CHSY3: variants seen among roughly 807,000 people sequenced by gnomAD.
The protein encoded by CHSY3 is N-acetylgalactosaminyl-proteoglycan 3-beta-glucuronosyltransferase 3.
In CHSY3, 35 loss-of-function variants were observed where a neutral mutation model predicts 67.2. The observed-to-expected ratio is 0.52, with a 90% CI of 0.40 to 0.69. The LOEUF is 0.69. Ranked by LOEUF, CHSY3 falls within the 30% of genes least tolerant of loss-of-function variation. CHSY3 has a pLI of 0.00. For synonymous variants in CHSY3, 474 were observed against 434.7 expected (o/e 1.09, Z -1.12); for missense variants, 1,069 against 1,138.5 (o/e 0.94, Z 0.88).
chr5:130,099,811 G>A (rs1244661581), intron 2 of CHSY3, among the ~76,000 whole-genome samples: 1 of 152,120 alleles, frequency 6.6e-6, no homozygotes, highest in Admixed American at 6.5e-5. Context: ...CACATAATAT[G>A]TCAGTCCCTT....
At chr5:130,129,900 T>C (rs1768425079) in intron 2 of CHSY3, among the ~76,000 whole-genome samples, 1 of 152,144 alleles carries the variant, frequency 6.6e-6, no homozygotes, top group Admixed American at 6.6e-5. Context: ...TATAAACTAG[T>C]ATTCATAAAA....
In CHSY3 at chr5:129,904,855, G is replaced by C. The variant is rs1760176458; in HGVS notation, c.26G>C (p.Trp9Ser). The C allele has an allele frequency of 6.8e-7, 1 of 1,463,096 alleles. No individual in the cohort carries two copies. Among genetic ancestry groups the C allele is most frequent in the African/African-American group, 1.5e-5 (1 of 68,756 alleles). The allele number at this position is 1,463,096 out of a possible 1,614,324, so 90.6% of individuals were successfully genotyped here. MAVRSRRP[W>S]MSVALGLVLG... ...ATGGCTGTGCGCTCTCGCCGCCCGT[G>C]GATGAGCGTGGCATTAGGGCTGGTG... The change falls in exon 1 of 3, where the codon TGG (tryptophan) becomes TCG (serine). Residue 9 changes from tryptophan (W) to serine (S), a missense_variant. Trp to Ser is a radical substitution (Grantham distance 177). This residue lies in a region of CHSY3 where 309 missense variants were observed against 262.5 expected (regional missense o/e 1.18). Transcript: ENST00000305031.
intron 2 of CHSY3, among the ~76,000 whole-genome samples, chr5:129,980,335 T>C (rs1284154183): frequency 6.6e-6 from 1 of 152,248 alleles, no homozygotes; most frequent in African/African-American, 2.4e-5. Flanking sequence ...TGACATATAA[T>C]GTGGAGCGTA....
intron 2 of CHSY3, among the ~76,000 whole-genome samples, chr5:129,982,839 A>G (rs1379128812): frequency 6.6e-6 from 1 of 152,104 alleles, no homozygotes; most frequent in Non-Finnish European, 1.5e-5. Flanking sequence ...ATGTCTTTTT[A>G]TCTAATAGAA....
chr5:130,115,111 A>T (rs1767747748), intron 2 of CHSY3, among the ~76,000 whole-genome samples: 1 of 151,568 alleles, frequency 6.6e-6, no homozygotes, highest in Non-Finnish European at 1.5e-5. Context: ...AGGTAATTTT[A>T]TTTCTTTTCT....
At chr5:130,002,935 G>C (rs1481442190) in intron 2 of CHSY3, among the ~76,000 whole-genome samples, 1 of 151,886 alleles carries the variant, frequency 6.6e-6, no homozygotes, top group Non-Finnish European at 1.5e-5. Context: ...TTGTTTCTTT[G>C]TTTTTGAATT....
In CHSY3 at chr5:130,143,754, ATATG is replaced by A. The variant is rs1361579090; in HGVS notation, c.1087-40473_1087-40470del. ...TGTGTGTATATATATATATATATAT[ATATG>A]TGTGTGTGTGTATATATATATATGT... On this transcript the variant is annotated intron_variant, in intron 2 of 2. Transcript: ENST00000305031. 1.6e-4 allele frequency among the ~76,000 whole-genome samples: 18 copies of A among 115,468 alleles called. 1 individual carries two copies. Among genetic ancestry groups the A allele is most frequent in the African/African-American group, 7.2e-4 (18 of 25,014 alleles). 75.8% of individuals were successfully genotyped at this position (115,468 alleles called of 152,430 possible).
At chr5:130,128,616 A>G (rs1768376111) in intron 2 of CHSY3, among the ~76,000 whole-genome samples, 3 of 152,146 alleles carry the variant, frequency 2.0e-5, no homozygotes, top group Admixed American at 2.0e-4. Context: ...TAATAATACT[A>G]TGTTGCATAC....
chr5:129,904,796 A>G lies in CHSY3; in HGVS notation c.-34A>G. The G allele has an allele frequency of 7.6e-7, 1 of 1,320,436 alleles. No homozygotes were observed. Among genetic ancestry groups the G allele is most frequent in the South Asian group, 2.1e-5 (1 of 48,052 alleles). 81.8% of individuals were successfully genotyped at this position (1,320,436 alleles called of 1,614,324 possible). On this transcript the variant is annotated 5_prime_UTR_variant, in exon 1 of 3. Coordinates refer to ENST00000305031, the MANE Select transcript of CHSY3 (RefSeq NM_175856.5). Reference sequence around the variant, plus strand: ...GGGAAACCGCGTGCCGCGCCGCGACAGCCCAGCGAGCGTCCGCGCCCGGGA... The same window carrying G: ...GGGAAACCGCGTGCCGCGCCGCGACGGCCCAGCGAGCGTCCGCGCCCGGGA...
intron 2 of CHSY3, among the ~76,000 whole-genome samples, chr5:129,984,865 T>C (rs898697833): frequency 1.3e-5 from 2 of 152,086 alleles, no homozygotes; most frequent in Non-Finnish European, 2.9e-5. Context: ...TCTTATAAAG[T>C]GGTTGTTTGT....
At chr5:129,937,485 G>C (rs946001573) in intron 2 of CHSY3, among the ~76,000 whole-genome samples, 3 of 151,942 alleles carry the variant, frequency 2.0e-5, no homozygotes, top group African/African-American at 7.3e-5. Flanking sequence ...TCTGTCCCTG[G>C]ACCCTCCCAA....
chr5:129,919,420 G>C (rs1760844971), intron 2 of CHSY3, among the ~76,000 whole-genome samples: 1 of 152,172 alleles, frequency 6.6e-6, no homozygotes, highest in Non-Finnish European at 1.5e-5. Flanking sequence ...TCACACTGCT[G>C]ATAGAGAGAT....
At chr5:130,145,536 G>C (rs1190552482) in intron 2 of CHSY3, among the ~76,000 whole-genome samples, 2 of 152,102 alleles carry the variant, frequency 1.3e-5, no homozygotes, top group African/African-American at 4.8e-5. Flanking sequence ...TATGTCATTG[G>C]CCTGGGCAAG....
chr5:130,082,561 A>G (rs1240754326), intron 2 of CHSY3, among the ~76,000 whole-genome samples: 2 of 152,054 alleles, frequency 1.3e-5, no homozygotes, highest in African/African-American at 4.8e-5. Flanking sequence ...ATCTGAATAA[A>G]TATCATTAAT....
At chr5:130,127,473 G>A (rs188743335) in intron 2 of CHSY3, among the ~76,000 whole-genome samples, 2 of 151,924 alleles carry the variant, frequency 1.3e-5, no homozygotes, top group East Asian at 3.9e-4. Flanking sequence ...TCTAAGCCAT[G>A]TTGTTTCTGC....
At chr5:130,022,516 T>C (rs909176586) in intron 2 of CHSY3, among the ~76,000 whole-genome samples, 2 of 152,020 alleles carry the variant, frequency 1.3e-5, no homozygotes, top group African/African-American at 2.4e-5. Context: ...GATAAGTCTT[T>C]GAGAGTAGTA....
chr5:129,956,345 G>A (rs187943091), intron 2 of CHSY3, among the ~76,000 whole-genome samples: 17 of 152,180 alleles, frequency 1.1e-4, no homozygotes, highest in Admixed American at 9.8e-4. Context: ...TTGGTCGTAT[G>A]TAGGTCTTTT....
intron 2 of CHSY3, among the ~76,000 whole-genome samples, chr5:130,151,945 T>C (rs1468241305): frequency 6.6e-6 from 1 of 152,224 alleles, no homozygotes; most frequent in East Asian, 1.9e-4. Context: ...TTCATCAGCA[T>C]TGTCATTGTA....
intron 2 of CHSY3, among the ~76,000 whole-genome samples, chr5:130,037,168 A>C (rs1439026893): frequency 6.6e-6 from 1 of 152,140 alleles, no homozygotes; most frequent in African/African-American, 2.4e-5. Context: ...CACCTTTGAG[A>C]CAGGCCATAC....
Sources: allele counts gnomAD v4.1 joint callset (sites outside exome capture counted in the v4.1 genomes callset), GRCh38; gene constraint gnomAD v4.1.1; regional missense constraint gnomAD v4.1.1; transcripts MANE v1.5; gene names NCBI Gene and HGNC (gene_info 2026-07-23, HGNC 2026-07-21).